Variants in C12orf42 observed in about 807,000 individuals in gnomAD.
The protein encoded by C12orf42 is uncharacterized protein C12orf42.
C12orf42 carries 25 observed loss-of-function variants against 21.6 expected under a neutral mutation model. The observed-to-expected ratio is 1.16, with a 90% CI of 0.84 to 1.62. The LOEUF is 1.62. C12orf42 is among the 40% of genes most tolerant of loss of function. The pLI is 0.00. For synonymous variants in C12orf42, 174 were observed against 175.0 expected (o/e 0.99, Z 0.05); for missense variants, 483 against 459.3 (o/e 1.05, Z -0.47).
chr12:103,234,115 G>A (rs577541452), downstream of C12orf42, among the ~76,000 whole-genome samples: 8 of 152,264 alleles, frequency 5.3e-5, no homozygotes, highest in Middle Eastern at 3.4e-3. Flanking sequence ...TGCATTAATC[G>A]ATTTTTGAAT....
intron 4 of C12orf42, among the ~76,000 whole-genome samples, chr12:103,344,464 T>G (rs2042438022): frequency 6.6e-6 from 1 of 152,102 alleles, no homozygotes; most frequent in Non-Finnish European, 1.5e-5. Context: ...AAGCTCTGGA[T>G]TTTTGCCTGG....
chr12:103,222,626 C>T, the C12orf42 span, among the ~76,000 whole-genome samples: 7 of 152,172 alleles, frequency 4.6e-5, no homozygotes, highest in African/African-American at 7.2e-5. Flanking sequence ...GCAGGTGAGA[C>T]TATAGGAAGT....
intron 2 of C12orf42, among the ~76,000 whole-genome samples, chr12:103,458,531 CT>C (rs1290880840): frequency 6.6e-6 from 1 of 152,082 alleles, no homozygotes; most frequent in East Asian, 1.9e-4. Context: ...AAATATCTAC[CT>C]GAAATGAATT....
At chr12:103,075,220 A>G in the C12orf42 span, among the ~76,000 whole-genome samples, 3 of 152,292 alleles carry the variant, frequency 2.0e-5, no homozygotes, top group Admixed American at 2.0e-4. Context: ...TAGTTTTCAT[A>G]TCTACTTTTT....
the C12orf42 span, among the ~76,000 whole-genome samples, chr12:103,061,646 A>AT: frequency 6.6e-6 from 1 of 151,722 alleles, no homozygotes. Flanking sequence ...ATCTTTAATA[A>AT]TTTTTTTGTT....
At chr12:103,497,750 G>C (rs1955601708), upstream of C12orf42, among the ~76,000 whole-genome samples, 1 of 152,168 alleles carries the variant, frequency 6.6e-6, no homozygotes, top group South Asian at 2.1e-4. Flanking sequence ...AGAAAGAAAA[G>C]GCTGGGCACG....
chr12:103,417,414 A>T lies in C12orf42; in HGVS notation c.79-15739T>A, dbSNP rs547972594. Among the ~76,000 whole-genome samples, 5 of 152,290 alleles carry T rather than the reference A, an allele frequency of 3.3e-5. No homozygotes were observed. The South Asian group carries it at 8.3e-4, about 25-fold the overall frequency. ...GCTCGTAAATCACCAGAGGTTCTTC[A>T]TACTCCTCCATTTGGCATTTAAGAG... On this transcript the variant is annotated intron_variant, in intron 2 of 5. Transcript: ENST00000548883.
intron 4 of C12orf42, among the ~76,000 whole-genome samples, chr12:103,354,569 A>G (rs1566137559): frequency 6.6e-6 from 1 of 152,152 alleles, no homozygotes; most frequent in African/African-American, 2.4e-5. Flanking sequence ...TATTTTTCCT[A>G]TAGCTGCCTC....
At chr12:103,354,779 A>T (rs2043381063) in intron 4 of C12orf42, among the ~76,000 whole-genome samples, 1 of 152,064 alleles carries the variant, frequency 6.6e-6, no homozygotes, top group Non-Finnish European at 1.5e-5. Flanking sequence ...GCTGGTCTCA[A>T]ATTCCTGGGC....
chr12:103,505,725 G>T, the C12orf42 span: 2 of 209,766 alleles, frequency 9.5e-6, no homozygotes, highest in Non-Finnish European at 1.9e-5. Flanking sequence ...CAGCAGGGGT[G>T]CAGGGGATTT....
At chr12:103,210,803 A>G in the C12orf42 span, among the ~76,000 whole-genome samples, 7 of 151,960 alleles carry the variant, frequency 4.6e-5, no homozygotes, top group South Asian at 8.4e-4. Context: ...CACAATCTCA[A>G]TATAAGCAAA....
chr12:103,327,034 C>A (rs1028217545), intron 4 of C12orf42, among the ~76,000 whole-genome samples: 2 of 152,054 alleles, frequency 1.3e-5, no homozygotes, highest in Admixed American at 6.6e-5. Flanking sequence ...TAACAGAATG[C>A]CCAAAGTAGG....
intron 2 of C12orf42, among the ~76,000 whole-genome samples, chr12:103,442,882 C>G (rs1218471567): frequency 6.6e-6 from 1 of 152,070 alleles, no homozygotes; most frequent in Non-Finnish European, 1.5e-5. Context: ...ATTATACATT[C>G]TCAATCATTC....
At chr12:103,093,671 T>A in the C12orf42 span, among the ~76,000 whole-genome samples, 1 of 152,262 alleles carries the variant, frequency 6.6e-6, no homozygotes, top group East Asian at 1.9e-4. Context: ...GGGACAGACA[T>A]CATCCTTAAC....
the C12orf42 span, among the ~76,000 whole-genome samples, chr12:103,227,937 GAGTA>G: frequency 6.6e-6 from 1 of 152,196 alleles, no homozygotes; most frequent in Non-Finnish European, 1.5e-5. Flanking sequence ...TTGGAGAAGA[GAGTA>G]AGAAGAGGCC....
chr12:103,549,941 G>A, the C12orf42 span, among the ~76,000 whole-genome samples: 2 of 152,120 alleles, frequency 1.3e-5, no homozygotes, highest in Non-Finnish European at 2.9e-5. Context: ...ACTTTAGGCT[G>A]CAACCACACT....
At chr12:103,524,931 C>T in the C12orf42 span, among the ~76,000 whole-genome samples, 1 of 118,610 alleles carries the variant, frequency 8.4e-6, no homozygotes, top group Admixed American at 1.3e-4. Flanking sequence ...GCTGGCCCAA[C>T]TAAATTGGAA....
At chr12:103,234,755 C>T (rs1233316499), downstream of C12orf42, among the ~76,000 whole-genome samples, 3 of 152,104 alleles carry the variant, frequency 2.0e-5, no homozygotes, top group Non-Finnish European at 4.4e-5. Context: ...TAAAACCCAC[C>T]AGGTCCTTTA....
rs34154888 is a variant in C12orf42, at chr12:103,341,112, C to CAAAAAAA, written c.259+27768_259+27774dup. ...TGGGCAACAGAGCAAGACTCTGTCT[C>CAAAAAAA]AAAAAAAAAAAAAAAAAAAAAAAGA... On this transcript the variant is annotated intron_variant, in intron 4 of 5. Transcript: ENST00000548883. Among the ~76,000 whole-genome samples, 44 of 47,680 alleles carry CAAAAAAA rather than the reference C, an allele frequency of 9.2e-4. 1 individual carries two copies. The highest frequency in any genetic ancestry group is 1.1e-3 in the African/African-American group (14 of 12,478). The allele number at this position is 47,680 out of a possible 152,430, so 31.3% of individuals were successfully genotyped here. A position where few individuals can be genotyped will look rare whatever the true frequency, so the allele number is the denominator to read the frequency against.
Sources: allele counts gnomAD v4.1 joint callset (sites outside exome capture counted in the v4.1 genomes callset), GRCh38; gene constraint gnomAD v4.1.1; transcripts MANE v1.5; gene names NCBI Gene and HGNC (gene_info 2026-07-23, HGNC 2026-07-21).